The following MEPE variants were observed in gnomAD, a reference collection of about 807,000 sequenced individuals.
The protein encoded by MEPE is matrix, extracellular phosphoglycoprotein with ASARM motif (bone).
MEPE carries 7 observed loss-of-function variants against 7.3 expected under a neutral mutation model. The ratio of observed to expected loss-of-function variants is 0.95; its 90% confidence interval spans 0.54 to 1.79. MEPE has a LOEUF of 1.79. Ranked by LOEUF, MEPE falls within the 40% of genes most tolerant of loss-of-function variation. The pLI, the probability that MEPE is intolerant of heterozygous loss-of-function variation, is 0.00. For synonymous variants in MEPE, 214 were observed against 213.1 expected (o/e 1.00, Z -0.04); for missense variants, 623 against 628.2 (o/e 0.99, Z 0.09).
chr4:87,829,103 AG>A (rs1253553413), upstream of MEPE, among the ~76,000 whole-genome samples: 2 of 152,124 alleles, frequency 1.3e-5, no homozygotes, highest in Non-Finnish European at 2.9e-5. Flanking sequence ...AAGTTTTAAG[AG>A]GGTAGAAGTA....
upstream of MEPE, among the ~76,000 whole-genome samples, chr4:87,829,129 A>G (rs1031114374): frequency 6.6e-6 from 1 of 152,136 alleles, no homozygotes; most frequent in Non-Finnish European, 1.5e-5. Context: ...TCTCTACTGC[A>G]TGGAACTTAG....
At chr4:87,841,599 T>C (rs1275482257) in intron 3 of MEPE, among the ~76,000 whole-genome samples, 2 of 151,844 alleles carry the variant, frequency 1.3e-5, no homozygotes, top group Non-Finnish European at 2.9e-5. Flanking sequence ...TAGATTCAAA[T>C]GTGAGCTGAT....
At chr4:87,841,145 A>G (rs1274359264) in intron 3 of MEPE, among the ~76,000 whole-genome samples, 1 of 152,212 alleles carries the variant, frequency 6.6e-6, no homozygotes, top group East Asian at 1.9e-4. Flanking sequence ...AGAAGCACCG[A>G]AAATAAAACA....
At chr4:87,824,581 T>G (rs2109987453) in intron 1 of MEPE, among the ~76,000 whole-genome samples, 1 of 152,372 alleles carries the variant, frequency 6.6e-6, no homozygotes, top group South Asian at 2.1e-4. Context: ...AAACAGGTGA[T>G]GAGTCAGATT....
In MEPE at chr4:87,845,896, G is replaced by T. The variant is rs774926147; in HGVS notation, c.1028G>T (p.Gly343Val). ...SLVEGSNDIM[G>V]STNFKELPGR... ...GTAGAGGGCAGCAACGATATCATGG[G>T]TAGTACCAATTTTAAGGAGCTCCCT... The change falls in exon 4 of 4, where the codon GGT (glycine) becomes GTT (valine). Residue 343 changes from glycine to valine, a missense_variant. By Grantham distance (109) the Gly-to-Val change is moderately radical. Coordinates refer to ENST00000361056, the MANE Select transcript of MEPE (RefSeq NM_020203.6). The T allele has an allele frequency of 6.2e-7, 1 of 1,614,004 alleles. No homozygotes were observed. Among genetic ancestry groups the T allele is most frequent in the South Asian group, 1.1e-5 (1 of 91,078 alleles).
chr4:87,843,119 G>T (rs761698154), intron 3 of MEPE, among the ~76,000 whole-genome samples: 1 of 151,818 alleles, frequency 6.6e-6, no homozygotes, highest in Non-Finnish European at 1.5e-5. Flanking sequence ...TTTTTTCTTT[G>T]TAATGTTTTT....
At position 87,845,429 on chromosome 4, in the gene MEPE, T is replaced by G; in HGVS notation, c.561T>G (p.Ala187=). ...TAATCCCAGCAAGTATGAATTATGC[T>G]AAAGCACACTCGAAGGATAAAAAGA... ...LNIIPASMNY[A]KAHSKDKKKP... The change falls in exon 4 of 4, where the codon GCT becomes GCG. Residue 187 remains alanine, a synonymous_variant. Transcript: ENST00000361056. 1 of 1,613,976 alleles carries G rather than the reference T, an allele frequency of 6.2e-7. No individual in the cohort carries two copies. The highest frequency in any genetic ancestry group is 8.5e-7 in the Non-Finnish European group (1 of 1,179,982).
intron 1 of MEPE, among the ~76,000 whole-genome samples, chr4:87,822,908 G>T (rs1160616362): frequency 6.6e-6 from 1 of 152,156 alleles, no homozygotes; most frequent in Admixed American, 6.5e-5. Context: ...CAAGACTCAG[G>T]TTGTACTGCA....
chr4:87,832,927 T>G (rs1221536008), upstream of MEPE: 1 of 152,232 alleles, frequency 6.6e-6, no homozygotes, highest in African/African-American at 2.4e-5. Flanking sequence ...CATTGGGAAC[T>G]CTAACAAACT....
chr4:87,826,252 C>T (rs139939288), intron 1 of MEPE, among the ~76,000 whole-genome samples: 30 of 149,240 alleles, frequency 2.0e-4, no homozygotes, highest in Non-Finnish European at 2.7e-4. Context: ...CAGAGTCTTA[C>T]GCTGTCATCA....
chr4:87,837,104 T>C (rs540263004), intron 2 of MEPE, among the ~76,000 whole-genome samples: 2 of 152,126 alleles, frequency 1.3e-5, no homozygotes, highest in Non-Finnish European at 2.9e-5. Flanking sequence ...GGGAGCTCAG[T>C]AGAGCGACTT....
chr4:87,826,464 C>T (rs982598437), intron 1 of MEPE, among the ~76,000 whole-genome samples: 5 of 151,502 alleles, frequency 3.3e-5, no homozygotes, highest in Middle Eastern at 3.2e-3. Flanking sequence ...TGGTCTCGAT[C>T]TCTTGACCTC....
chr4:87,841,945 A>G (rs1723032035), intron 3 of MEPE, among the ~76,000 whole-genome samples: 4 of 152,254 alleles, frequency 2.6e-5, no homozygotes, highest in South Asian at 4.1e-4. Flanking sequence ...ACTATCATTC[A>G]TTAAAGGGCT....
chr4:87,836,226 T>G (rs1722784248), intron 2 of MEPE, among the ~76,000 whole-genome samples: 1 of 152,150 alleles, frequency 6.6e-6, no homozygotes, highest in Non-Finnish European at 1.5e-5. Context: ...GCCACTTGCA[T>G]ACGTCTTAGA....
At chr4:87,828,264 G>T (rs1722520575), upstream of MEPE, among the ~76,000 whole-genome samples, 1 of 152,130 alleles carries the variant, frequency 6.6e-6, no homozygotes, top group Admixed American at 6.5e-5. Flanking sequence ...GGGAAATACT[G>T]TATATTTGTA....
At chr4:87,826,979 G>A (rs1422208705) in intron 1 of MEPE, among the ~76,000 whole-genome samples, 2 of 152,022 alleles carry the variant, frequency 1.3e-5, no homozygotes, top group Admixed American at 1.3e-4. Flanking sequence ...AGATTCTTTT[G>A]CTGTGCAGAA....
intron 3 of MEPE, among the ~76,000 whole-genome samples, chr4:87,843,694 T>A (rs1027206174): frequency 2.6e-5 from 4 of 152,182 alleles, no homozygotes; most frequent in African/African-American, 9.7e-5. Flanking sequence ...TTCAATCTGT[T>A]TAAACTTAAG....
intron 1 of MEPE, among the ~76,000 whole-genome samples, chr4:87,822,552 C>T (rs965019940): frequency 1.3e-5 from 2 of 152,152 alleles, no homozygotes; most frequent in African/African-American, 2.4e-5. Context: ...ACACAAAAAA[C>T]ATAAGCATCA....
In MEPE at chr4:87,846,428, T is replaced by C; in HGVS notation, c.1560T>C (p.Ser520=). ...SSESSDSGSS[S]ESDGD Reference sequence around the variant, plus strand: ...AGTCATCTGACAGTGGCAGTTCAAGTGAGAGCGATGGTGACTAGTCCACCA... The same window carrying C: ...AGTCATCTGACAGTGGCAGTTCAAGCGAGAGCGATGGTGACTAGTCCACCA... The change falls in exon 4 of 4, where the codon AGT becomes AGC. Residue 520 remains serine, a synonymous_variant. Coordinates refer to ENST00000361056, the MANE Select transcript of MEPE (RefSeq NM_020203.6). 2 of 1,613,128 alleles carry C rather than the reference T, an allele frequency of 1.2e-6. No homozygotes were observed. Among genetic ancestry groups the C allele is most frequent in the Non-Finnish European group, 1.7e-6 (2 of 1,179,556 alleles).
Sources: gnomAD v4.1 joint callset for allele counts (sites outside exome capture counted in the v4.1 genomes callset) on GRCh38, gnomAD v4.1.1 for gene constraint, MANE v1.5 for transcripts, NCBI Gene and HGNC (gene_info 2026-07-23, HGNC 2026-07-21) for gene names.